Variants in BRINP1 observed in about 807,000 individuals in gnomAD.
The protein encoded by BRINP1 is BMP/retinoic acid-inducible neural-specific protein 1.
Under a neutral mutation model 72.9 loss-of-function variants are expected in BRINP1, and 17 were observed. That is an observed-to-expected ratio of 0.23 (90% CI 0.16 to 0.35). BRINP1 has a LOEUF of 0.35. BRINP1 is among the 10% of genes least tolerant of loss of function. The pLI is 1.00. For synonymous variants in BRINP1, 418 were observed against 378.5 expected (o/e 1.10, Z -1.21); for missense variants, 850 against 1,001.6 (o/e 0.85, Z 2.04).
chr9:119,274,923 T>G (rs757717113), intron 2 of BRINP1, among the ~76,000 whole-genome samples: 19 of 152,172 alleles, frequency 1.2e-4, no homozygotes, highest in Non-Finnish European at 2.5e-4. Context: ...ATACTATATA[T>G]GTAGTGTGTA....
intron 3 of BRINP1, among the ~76,000 whole-genome samples, chr9:119,246,696 T>G (rs571912029): frequency 1.3e-5 from 2 of 152,182 alleles, no homozygotes; most frequent in African/African-American, 4.8e-5. Context: ...GCTCTTTCAT[T>G]CCCTACAACT....
chr9:119,294,853 T>TAAAAAAAAAAAAAAAAAAA (rs59715609), intron 2 of BRINP1, among the ~76,000 whole-genome samples: 2 of 128,030 alleles, frequency 1.6e-5, no homozygotes, highest in Non-Finnish European at 1.6e-5. Flanking sequence ...GACACTACGT[T>TAAAAAAAAAAAAAAAAAAA]AAAAAAAAAA....
intron 2 of BRINP1, among the ~76,000 whole-genome samples, chr9:119,252,701 G>A (rs1433504061): frequency 2.0e-5 from 3 of 152,008 alleles, no homozygotes; most frequent in Non-Finnish European, 4.4e-5. Context: ...TAGCTAATGA[G>A]TGGTAGAATT....
At chr9:119,245,583 A>C (rs568350253) in intron 3 of BRINP1, among the ~76,000 whole-genome samples, 2 of 152,092 alleles carry the variant, frequency 1.3e-5, no homozygotes, top group Non-Finnish European at 2.9e-5. Flanking sequence ...AATAGATTTC[A>C]CCAAAAATCT....
Position 119,242,031 on chromosome 9 carries a change from CACCCCGG to C in BRINP1, c.579+9_579+15del, listed in dbSNP as rs1212762738. On this transcript the variant is annotated intron_variant, in intron 4 of 7. Transcript: ENST00000265922. ...GTATTGAGAACCTGTCGCCCAAATC[CACCCCGG>C]AGCTGTACCTTGATTGCTCCAGTTG... The C allele has an allele frequency of 6.2e-6, 10 of 1,608,858 alleles. No homozygotes were observed. The African/African-American group carries it at 1.2e-4, about 19-fold the overall frequency.
chr9:119,213,700 A>G, intron 6 of BRINP1: 1 of 620,398 alleles, frequency 1.6e-6, no homozygotes, highest in Non-Finnish European at 2.9e-6. Flanking sequence ...ACATCATATG[A>G]CCACAAACTG....
At chr9:119,248,124 A>G (rs1409181176) in intron 3 of BRINP1, among the ~76,000 whole-genome samples, 1 of 152,186 alleles carries the variant, frequency 6.6e-6, no homozygotes, top group Non-Finnish European at 1.5e-5. Flanking sequence ...ATCCCCTGTT[A>G]TAATTACACC....
chr9:119,261,118 T>C (rs2118934579), intron 2 of BRINP1, among the ~76,000 whole-genome samples: 1 of 152,252 alleles, frequency 6.6e-6, no homozygotes, highest in Middle Eastern at 3.4e-3. Flanking sequence ...CTCTGGGAAG[T>C]AGAGGGGTGC....
At chr9:119,228,078 C>A (rs1258607579) in intron 5 of BRINP1, among the ~76,000 whole-genome samples, 1 of 152,008 alleles carries the variant, frequency 6.6e-6, no homozygotes, top group African/African-American at 2.4e-5. Context: ...GGATTACCGA[C>A]ACTACTCTTC....
intron 2 of BRINP1, among the ~76,000 whole-genome samples, chr9:119,296,679 A>G (rs11791570): frequency 0.27 from 41,521 of 152,084 alleles, 6,570 homozygotes; most frequent in Non-Finnish European, 0.35. Flanking sequence ...ACATTATTCA[A>G]CCTTTAAAAA....
At chr9:119,321,042 T>G (rs1831181101) in intron 1 of BRINP1, among the ~76,000 whole-genome samples, 1 of 152,130 alleles carries the variant, frequency 6.6e-6, no homozygotes, top group African/African-American at 2.4e-5. Context: ...GCCATTCTCC[T>G]GCCTCAGCTT....
intron 1 of BRINP1, among the ~76,000 whole-genome samples, chr9:119,367,189 A>G (rs1300618229): frequency 9.5e-6 from 1 of 105,000 alleles, no homozygotes; most frequent in Non-Finnish European, 1.9e-5. Context: ...CAGAATATGA[A>G]CACATGTGTG....
At chr9:119,272,805 C>G (rs1300011916) in intron 2 of BRINP1, among the ~76,000 whole-genome samples, 2 of 152,206 alleles carry the variant, frequency 1.3e-5, no homozygotes, top group Non-Finnish European at 2.9e-5. Context: ...CGTACTAGCT[C>G]TCTCTGTTAT....
intron 2 of BRINP1, among the ~76,000 whole-genome samples, chr9:119,301,729 A>G (rs1198194862): frequency 2.0e-5 from 3 of 152,236 alleles, no homozygotes; most frequent in Non-Finnish European, 4.4e-5. Context: ...AGATGTAACC[A>G]TTGATGAGAA....
chr9:119,168,273 T>C, intron 7 of BRINP1, 49 bp from the exon 8 acceptor site: 1 of 1,408,026 alleles, frequency 7.1e-7, no homozygotes, highest in Non-Finnish European at 9.4e-7. Context: ...TGAGTGGGTC[T>C]GTGAGTTACA....
intron 2 of BRINP1, among the ~76,000 whole-genome samples, chr9:119,262,399 C>G (rs571399768): frequency 6.6e-6 from 1 of 151,690 alleles, no homozygotes; most frequent in Admixed American, 6.6e-5. Context: ...TTTGGGAGGT[C>G]GAGGCGGGCG....
chr9:119,237,747 G>A (rs918274432), intron 5 of BRINP1, among the ~76,000 whole-genome samples: 3 of 151,694 alleles, frequency 2.0e-5, no homozygotes, highest in South Asian at 2.1e-4. Context: ...CTGCAATTTC[G>A]GCCTCCTGGG....
chr9:119,333,306 C>CA (rs1028335803), intron 1 of BRINP1, among the ~76,000 whole-genome samples: 3 of 151,268 alleles, frequency 2.0e-5, no homozygotes, highest in East Asian at 2.0e-4. Context: ...ACCAAAAATA[C>CA]AAAAAAATTA....
chr9:119,187,363 G>T (rs1829634111), intron 7 of BRINP1, among the ~76,000 whole-genome samples: 1 of 151,870 alleles, frequency 6.6e-6, no homozygotes, highest in South Asian at 2.1e-4. Context: ...TGAAGCCCTT[G>T]TTGCCAATAA....
Sources: allele counts gnomAD v4.1 joint callset (sites outside exome capture counted in the v4.1 genomes callset), GRCh38; gene constraint gnomAD v4.1.1; transcripts MANE v1.5; gene names NCBI Gene and HGNC (gene_info 2026-07-23, HGNC 2026-07-21).